Variants in ELP1 observed in about 807,000 individuals in gnomAD.
ELP1 encodes elongator complex protein 1.
ELP1 carries 131 observed loss-of-function variants against 183.2 expected under a neutral mutation model. That is an observed-to-expected ratio of 0.72 (90% CI 0.62 to 0.83). The LOEUF is 0.83. ELP1 is among the 40% of genes least tolerant of loss of function. The pLI is 0.00. For synonymous variants in ELP1, 555 were observed against 569.0 expected (o/e 0.98, Z 0.35); for missense variants, 1,550 against 1,594.9 (o/e 0.97, Z 0.48).
chr9:108,898,683 A>G lies in ELP1; in HGVS notation c.2271T>C (p.Asp757=). Reference sequence around the variant, plus strand: ...CTTAGAAAGTTACCTTAGGGTTATGATCATAAATCAGATTGAGATTGATTC... The same window carrying G: ...CTTAGAAAGTTACCTTAGGGTTATGGTCATAAATCAGATTGAGATTGATTC... ...KLRINLNLIY[D]HNPKVFLGNV... Residue 757 remains aspartate (D), a synonymous_variant, in exon 21 of 37, where the codon GAT becomes GAC. Coordinates refer to ENST00000374647, the MANE Select transcript of ELP1 (RefSeq NM_003640.5). 1 of 1,612,634 alleles carries G rather than the reference A, an allele frequency of 6.2e-7. No homozygotes were observed. The highest frequency in any genetic ancestry group is 1.1e-5 in the South Asian group (1 of 91,060).
chr9:108,918,525 G>A (rs1013372300), intron 8 of ELP1, among the ~76,000 whole-genome samples: 2 of 152,044 alleles, frequency 1.3e-5, no homozygotes, highest in Non-Finnish European at 2.9e-5. Flanking sequence ...TATATACCCT[G>A]CCTTAAAACC....
At position 108,906,422 on chromosome 9, in the gene ELP1, C is replaced by A; in HGVS notation, c.1524G>T (p.Trp508Cys). The A allele has an allele frequency of 2.5e-6, 4 of 1,614,050 alleles. No individual in the cohort carries two copies. Among genetic ancestry groups the A allele is most frequent in the Non-Finnish European group, 3.4e-6 (4 of 1,179,930 alleles). Residue 508 changes from tryptophan (W) to cysteine (C), a missense_variant, in exon 14 of 37, where the codon TGG becomes TGT. By Grantham distance (215) the Trp-to-Cys change is radical. Transcript: ENST00000374647. ...CAGCCAGGAAGACGTCTTCTTCAAT[C>A]CAAGTGAGAAGGCCTAGTTTCAGCG... ...VNPLKLGLLTWIEEDVFLAVS... is the reference protein window; with the variant it reads ...VNPLKLGLLTCIEEDVFLAVS...
At chr9:108,889,216 C>G in intron 29 of ELP1, 116 bp downstream of exon 29, 3 of 979,948 alleles carry the variant, frequency 3.1e-6, no homozygotes, top group Non-Finnish European at 5.0e-6. Context: ...GGGGCAAACA[C>G]TATCTCTGGA....
chr9:108,900,874 G>A (rs1231497027), intron 18 of ELP1, among the ~76,000 whole-genome samples: 9 of 9,638 alleles, frequency 9.3e-4, no homozygotes, highest in African/African-American at 5.2e-3. Context: ...ACACATACAC[G>A]CCACACACAC....
chr9:108,896,610 A>T lies in ELP1; in HGVS notation c.2622T>A (p.Ala874=). The T allele has an allele frequency of 6.2e-7, 1 of 1,613,978 alleles. No individual in the cohort carries two copies. Among genetic ancestry groups the T allele is most frequent in the Non-Finnish European group, 8.5e-7 (1 of 1,179,808 alleles). Residue 874 remains alanine, a synonymous_variant, in exon 25 of 37, where the codon GCT becomes GCA. Coordinates refer to ENST00000374647, the MANE Select transcript of ELP1 (RefSeq NM_003640.5). ...NAPSDPDAVS[A]EEALKYLLHL... is the part of the protein sequence containing the mutation. ...GCAGCAAATATTTCAAGGCCTCTTC[A>T]GCACTCACAGCATCAGGATCAGAGG...
intron 10 of ELP1, among the ~76,000 whole-genome samples, chr9:108,915,299 T>TG (rs34243127): frequency 0.69 from 104,298 of 152,106 alleles, 36,312 homozygotes; most frequent in African/African-American, 0.8. Flanking sequence ...AGCTATCTGC[T>TG]AAACTCCAGA....
In ELP1 at chr9:108,901,494, C is replaced by T; in HGVS notation, c.1945G>A (p.Glu649Lys). Residue 649 changes from glutamate (E) to lysine (K), a missense_variant, in exon 18 of 37, where the codon GAG (glutamate) becomes AAG (lysine). Coordinates refer to ENST00000374647, the MANE Select transcript of ELP1 (RefSeq NM_003640.5). ...GAATGGGTTGTCAACAATAAAAACT[C>T]ATCATATACTGCAAATGACGTGATA... ...SNITSFAVYD[E>K]FLLLTTHSHT... 6.2e-7 allele frequency: 1 copy of T among 1,614,078 alleles called. No individual in the cohort carries two copies. Among genetic ancestry groups the T allele is most frequent in the South Asian group, 1.1e-5 (1 of 91,078 alleles).
chr9:108,911,259 A>T (rs1829213778), intron 11 of ELP1, 79 bp from the exon 12 acceptor site: 1 of 1,319,858 alleles, frequency 7.6e-7, no homozygotes, highest in Non-Finnish European at 1.1e-6. Context: ...ATCACAGTAT[A>T]TCTAAACAAT....
chr9:108,875,616 G>T, intron 35 of ELP1: 2 of 316,576 alleles, frequency 6.3e-6, no homozygotes, highest in Non-Finnish European at 1.2e-5. Context: ...CTTAATGTGG[G>T]AGGCATGGTG....
intron 29 of ELP1, among the ~76,000 whole-genome samples, chr9:108,882,631 G>T (rs1827977388): frequency 7.2e-6 from 1 of 139,456 alleles, no homozygotes; most frequent in African/African-American, 2.8e-5. Context: ...GTCTCACTCT[G>T]TCGCCCAGGC....
chr9:108,884,531 ATG>A (rs1433796570), intron 29 of ELP1, among the ~76,000 whole-genome samples: 53 of 152,132 alleles, frequency 3.5e-4, no homozygotes, highest in Admixed American at 8.5e-4. Flanking sequence ...AATTAATAAA[ATG>A]TATGTTCTCT....
intron 6 of ELP1, among the ~76,000 whole-genome samples, chr9:108,922,258 A>T (rs1213058894): frequency 6.6e-6 from 1 of 152,196 alleles, no homozygotes; most frequent in Non-Finnish European, 1.5e-5. Context: ...TGACACGGAC[A>T]CTACTTCCCC....
At chr9:108,891,574 G>A (rs1828338566) in intron 27 of ELP1, among the ~76,000 whole-genome samples, 170 bp from the exon 28 acceptor site, 1 of 152,148 alleles carries the variant, frequency 6.6e-6, no homozygotes. Flanking sequence ...AAACCTTACT[G>A]AGGATGTGCC....
intron 20 of ELP1, among the ~76,000 whole-genome samples, chr9:108,899,413 T>C (rs1270009426): frequency 1.3e-5 from 2 of 152,200 alleles, no homozygotes; most frequent in Non-Finnish European, 2.9e-5. Flanking sequence ...AAATCAGTCA[T>C]TTCCTTCACA....
intron 29 of ELP1, among the ~76,000 whole-genome samples, chr9:108,888,011 A>C (rs1389224908): frequency 1.3e-5 from 2 of 152,232 alleles, no homozygotes; most frequent in African/African-American, 4.8e-5. Flanking sequence ...CCCCAAACTG[A>C]AAACAATCCA....
chr9:108,869,683 G>A (rs932457828), intron 36 of ELP1, among the ~76,000 whole-genome samples: 1 of 151,922 alleles, frequency 6.6e-6, no homozygotes, highest in Non-Finnish European at 1.5e-5. Context: ...TTTAAAAAAA[G>A]TGAATGGAGA....
intron 11 of ELP1, among the ~76,000 whole-genome samples, chr9:108,911,839 A>G (rs774792632): frequency 3.3e-5 from 5 of 152,138 alleles, no homozygotes; most frequent in African/African-American, 7.2e-5. Context: ...AACTGAACAT[A>G]CTGGAGAGGT....
chr9:108,878,859 T>C, intron 33 of ELP1, 109 bp from the exon 34 acceptor site: 2 of 1,116,372 alleles, frequency 1.8e-6, no homozygotes, highest in Non-Finnish European at 2.7e-6. Flanking sequence ...CCCACACAAC[T>C]TCACAGATCT....
intron 11 of ELP1, among the ~76,000 whole-genome samples, 165 bp from the exon 12 acceptor site, chr9:108,911,345 T>C (rs907313138): frequency 1.3e-5 from 2 of 152,124 alleles, no homozygotes; most frequent in African/African-American, 4.8e-5. Flanking sequence ...GATGGGGAAA[T>C]GTCATGGGTT....
Sources: allele counts gnomAD v4.1 joint callset (sites outside exome capture counted in the v4.1 genomes callset), GRCh38; gene constraint gnomAD v4.1.1; transcripts MANE v1.5; gene names NCBI Gene and HGNC (gene_info 2026-07-23, HGNC 2026-07-21).